Variants in ATG10 observed in about 807,000 individuals in gnomAD.
The protein encoded by ATG10 is ubiquitin-like-conjugating enzyme ATG10.
In ATG10, 30 loss-of-function variants were observed where a neutral mutation model predicts 32.1. The observed-to-expected ratio is 0.94, with a 90% CI of 0.70 to 1.27. The LOEUF (loss-of-function observed/expected upper bound fraction) is 1.27. Ranked by LOEUF, ATG10 falls within the 50% of genes most tolerant of loss-of-function variation. The pLI is 0.00. For synonymous variants in ATG10, 87 were observed against 91.5 expected, an observed-to-expected ratio of 0.95 and a Z score of 0.28; for missense variants, 233 against 262.3, an observed-to-expected ratio of 0.89 and a Z score of 0.77.
chr5:82,181,164 T>A (rs1478241866), intron 5 of ATG10, among the ~76,000 whole-genome samples: 7 of 152,114 alleles, frequency 4.6e-5, no homozygotes, highest in Non-Finnish European at 2.9e-5. Flanking sequence ...GGGGCTCACT[T>A]AATAGGAGGG....
intron 3 of ATG10, among the ~76,000 whole-genome samples, chr5:82,111,686 T>G (rs1765626920): frequency 1.3e-5 from 2 of 151,970 alleles, no homozygotes; most frequent in East Asian, 3.9e-4. Flanking sequence ...ATTTTTAAAG[T>G]GAAGCTGTAG....
chr5:82,249,555 G>A (rs750611034), intron 5 of ATG10, among the ~76,000 whole-genome samples: 3 of 152,144 alleles, frequency 2.0e-5, no homozygotes, highest in Non-Finnish European at 2.9e-5. Context: ...TACTTCTGTG[G>A]TATTATCTCA....
rs566512496 is a variant in ATG10, at chr5:82,075,941, T to TAAC, written c.216+17357_216+17359dup. ...CAGAGCAAGACTCCATGTCCAACAA[T>TAAC]AACAACAACAACAACAACAAAACAA... On this transcript the variant is annotated intron_variant, in intron 3 of 7. Transcript: ENST00000282185. Among the ~76,000 whole-genome samples, 27 of 151,920 alleles carry TAAC rather than the reference T, an allele frequency of 1.8e-4. No homozygotes were observed. The East Asian group carries it at 2.7e-3, about 15-fold the overall frequency.
At chr5:82,243,871 TG>T (rs1184801941) in intron 5 of ATG10, among the ~76,000 whole-genome samples, 3 of 151,960 alleles carry the variant, frequency 2.0e-5, no homozygotes. Flanking sequence ...TAAGTACTTA[TG>T]GAAATATAAA....
chr5:82,085,622 A>G, intron 3 of ATG10, among the ~76,000 whole-genome samples: 1 of 152,034 alleles, frequency 6.6e-6, no homozygotes, highest in Non-Finnish European at 1.5e-5. Context: ...CATGTACCCT[A>G]GAACTTAAAG....
chr5:82,157,554 A>G (rs1767853649), intron 3 of ATG10, among the ~76,000 whole-genome samples: 1 of 152,234 alleles, frequency 6.6e-6, no homozygotes, highest in Admixed American at 6.5e-5. Flanking sequence ...GCCTTGAAAC[A>G]AACAAAACAA....
chr5:82,031,008 G>A (rs148048107), intron 2 of ATG10, among the ~76,000 whole-genome samples: 61 of 151,668 alleles, frequency 4.0e-4, no homozygotes, highest in Non-Finnish European at 7.5e-4. Flanking sequence ...TATCATCATC[G>A]TTTTATACCC....
intron 2 of ATG10, among the ~76,000 whole-genome samples, chr5:82,054,366 A>C (rs1763522793): frequency 6.6e-6 from 1 of 152,150 alleles, no homozygotes; most frequent in Non-Finnish European, 1.5e-5. Flanking sequence ...GTCTGGGGTG[A>C]GGCTTGAGAT....
At chr5:82,081,076 A>C (rs938660206) in intron 3 of ATG10, among the ~76,000 whole-genome samples, 1 of 152,174 alleles carries the variant, frequency 6.6e-6, no homozygotes, top group African/African-American at 2.4e-5. Flanking sequence ...GAGGTCCTTC[A>C]CATCCCTTGT....
chr5:82,252,847 G>A, intron 6 of ATG10, 188 bp downstream of exon 6: 1 of 529,060 alleles, frequency 1.9e-6, no homozygotes, highest in Non-Finnish European at 3.3e-6. Flanking sequence ...GATTTTTGCA[G>A]CATTCCTATG....
chr5:82,007,603 C>A (rs1039181036), intron 2 of ATG10, among the ~76,000 whole-genome samples: 4 of 152,028 alleles, frequency 2.6e-5, no homozygotes, highest in Non-Finnish European at 5.9e-5. Context: ...TAGGTGTATA[C>A]CACCACAGTT....
chr5:82,162,723 A>G (rs1743409109), intron 3 of ATG10, among the ~76,000 whole-genome samples: 1 of 151,998 alleles, frequency 6.6e-6, no homozygotes. Flanking sequence ...TAGAGAAGGC[A>G]TTAAAAGGCA....
intron 1 of ATG10, among the ~76,000 whole-genome samples, chr5:81,978,986 G>C (rs962037270): frequency 1.6e-4 from 24 of 151,866 alleles, no homozygotes; most frequent in Non-Finnish European, 3.2e-4. Flanking sequence ...TGCAACTTTC[G>C]CCTCCTGGGT....
chr5:82,216,808 G>C (rs1005917210), intron 5 of ATG10, among the ~76,000 whole-genome samples: 1 of 152,154 alleles, frequency 6.6e-6, no homozygotes, highest in East Asian at 1.9e-4. Context: ...TGTAATCCCA[G>C]CACTTTGGGA....
intron 2 of ATG10, among the ~76,000 whole-genome samples, chr5:81,995,629 A>AG (rs1354839952): frequency 1.3e-5 from 2 of 152,154 alleles, no homozygotes; most frequent in African/African-American, 2.4e-5. Flanking sequence ...CATTAAAAAA[A>AG]GGGGGAAAAT....
chr5:82,127,138 C>A (rs1360453640), intron 3 of ATG10, among the ~76,000 whole-genome samples: 1 of 152,108 alleles, frequency 6.6e-6, no homozygotes, highest in Non-Finnish European at 1.5e-5. Flanking sequence ...TCCTCTTTAT[C>A]ATTTTTTATT....
At chr5:81,981,162 G>A (rs1380169134) in intron 1 of ATG10, among the ~76,000 whole-genome samples, 2 of 152,200 alleles carry the variant, frequency 1.3e-5, no homozygotes, top group African/African-American at 4.8e-5. Flanking sequence ...GTCCCACCCA[G>A]GCTGCCAAAT....
chr5:82,050,029 A>T (rs1763359839), intron 2 of ATG10, among the ~76,000 whole-genome samples: 1 of 152,124 alleles, frequency 6.6e-6, no homozygotes, highest in Admixed American at 6.6e-5. Flanking sequence ...TTCTCCTCTG[A>T]CCCAATTTTG....
chr5:82,067,550 ATCT>A (rs1344005122), intron 3 of ATG10, among the ~76,000 whole-genome samples: 1 of 152,144 alleles, frequency 6.6e-6, no homozygotes, highest in Non-Finnish European at 1.5e-5. Context: ...ATTCTGCTGA[ATCT>A]TCTTTTTACT....
Sources: gnomAD v4.1 joint callset for allele counts (sites outside exome capture counted in the v4.1 genomes callset) on GRCh38, gnomAD v4.1.1 for gene constraint, MANE v1.5 for transcripts, NCBI Gene and HGNC (gene_info 2026-07-23, HGNC 2026-07-21) for gene names.